The following NLGN4Y variants were observed in gnomAD, a reference collection of about 807,000 sequenced individuals.
NLGN4Y encodes the protein neuroligin 4 Y-linked.
A neutral mutation model predicts 8.4 loss-of-function variants in NLGN4Y; 4 were observed. The ratio of observed to expected loss-of-function variants is 0.48; its 90% CI spans 0.23 to 1.09. NLGN4Y has a LOEUF of 1.09. Ranked by LOEUF, NLGN4Y falls within the 50% of genes least tolerant of loss-of-function variation. The pLI is 0.19. For synonymous variants in NLGN4Y, 35 were observed against 75.6 expected, an observed-to-expected ratio of 0.46 and a Z score of 2.78; for missense variants, 90 against 192.3, an observed-to-expected ratio of 0.47 and a Z score of 3.15.
intron 4 of NLGN4Y, among the ~76,000 whole-genome samples, chrY:14,730,916 G>C (rs535309427): frequency 0.013 from 410 of 31,220 alleles, no homozygotes; most frequent in Admixed American, 0.11. Context: ...TATCAGTACA[G>C]GTCTCTTTTT....
At chrY:14,597,512 G>T in intron 1 of NLGN4Y, among the ~76,000 whole-genome samples, 1 of 32,880 alleles carries the variant, frequency 3.0e-5, no homozygotes, top group African/African-American at 1.2e-4. Context: ...CATCAGATTA[G>T]TTAGATACAG....
intron 2 of NLGN4Y, among the ~76,000 whole-genome samples, chrY:14,658,501 C>A: frequency 3.0e-5 from 1 of 33,102 alleles, no homozygotes; most frequent in African/African-American, 1.2e-4. Flanking sequence ...TAGCAGAATA[C>A]CTTAGACTGG....
At chrY:14,549,472 T>G in intron 1 of NLGN4Y, among the ~76,000 whole-genome samples, 12 of 33,410 alleles carry the variant, frequency 3.6e-4, no homozygotes. Flanking sequence ...TCATCATTTC[T>G]TTCCTCTGGA....
chrY:14,579,942 G>T (rs73621792), intron 1 of NLGN4Y, among the ~76,000 whole-genome samples: 4,385 of 30,389 alleles, frequency 0.14, no homozygotes, highest in African/African-American at 0.57. Flanking sequence ...AAGTGCTGTT[G>T]TGCAAATAAC....
chrY:14,792,123 T>G, intron 4 of NLGN4Y, among the ~76,000 whole-genome samples: 1 of 33,392 alleles, frequency 3.0e-5, no homozygotes, highest in South Asian at 6.8e-4. Flanking sequence ...TAGGTTTCCC[T>G]GTCTCTGAAA....
intron 1 of NLGN4Y, among the ~76,000 whole-genome samples, chrY:14,595,180 G>A (rs2150494064): frequency 3.0e-5 from 1 of 33,040 alleles, no homozygotes; most frequent in African/African-American, 1.2e-4. Context: ...AGAGGGAGAA[G>A]GGGACATATA....
intron 4 of NLGN4Y, among the ~76,000 whole-genome samples, chrY:14,800,170 A>G (rs764381781): frequency 1.2e-4 from 4 of 33,220 alleles, no homozygotes; most frequent in Non-Finnish European, 2.2e-4. Context: ...GACAGGTGAT[A>G]GTTGAACCAG....
chrY:14,763,187 A>G, intron 4 of NLGN4Y, among the ~76,000 whole-genome samples: 1 of 33,903 alleles, frequency 2.9e-5, no homozygotes, highest in Admixed American at 2.7e-4. Context: ...TGTTGAAAAC[A>G]TTATGACTAT....
At chrY:14,531,367 T>G (rs767641203) in intron 1 of NLGN4Y, among the ~76,000 whole-genome samples, 99 of 32,594 alleles carry the variant, frequency 3.0e-3, no homozygotes, top group African/African-American at 0.01. Flanking sequence ...TATAATAGTA[T>G]TTGTATACAA....
At chrY:14,798,208 C>T (rs889620316) in intron 4 of NLGN4Y, among the ~76,000 whole-genome samples, 3 of 33,215 alleles carry the variant, frequency 9.0e-5, no homozygotes, top group Non-Finnish European at 1.5e-4. Context: ...TTTTTTTCTC[C>T]GAAGGCTATT....
intron 2 of NLGN4Y, among the ~76,000 whole-genome samples, chrY:14,690,112 C>T (rs990483242): frequency 1.2e-4 from 4 of 33,401 alleles, no homozygotes; most frequent in African/African-American, 4.6e-4. Flanking sequence ...TCATTTATCA[C>T]TTTGTACAAG....
At chrY:14,562,115 G>A (rs926123688) in intron 1 of NLGN4Y, among the ~76,000 whole-genome samples, 3 of 33,355 alleles carry the variant, frequency 9.0e-5, no homozygotes, top group Non-Finnish European at 2.2e-4. Flanking sequence ...GCCATTGCTT[G>A]TGGGGTTTTG....
chrY:14,785,729 T>A (rs2042962102), intron 4 of NLGN4Y, among the ~76,000 whole-genome samples: 4 of 21,275 alleles, frequency 1.9e-4, no homozygotes, highest in South Asian at 1.1e-3. Flanking sequence ...GCACCGCTGC[T>A]CTCCAGCCTG....
At chrY:14,634,769 T>A in intron 2 of NLGN4Y, among the ~76,000 whole-genome samples, 1 of 34,043 alleles carries the variant, frequency 2.9e-5, no homozygotes, top group Non-Finnish European at 7.3e-5. Context: ...GTTACAGTTT[T>A]CTTGGCAAAT....
chrY:14,585,613 A>G (rs1603500443), intron 1 of NLGN4Y, among the ~76,000 whole-genome samples: 1 of 33,482 alleles, frequency 3.0e-5, no homozygotes, highest in Non-Finnish European at 7.4e-5. Flanking sequence ...TAAAATCTTC[A>G]TGTTATTTGC....
chrY:14,640,105 G>A (rs2080584984), intron 2 of NLGN4Y: 2 of 115,946 alleles, frequency 1.7e-5, no homozygotes, highest in African/African-American at 1.0e-4. Flanking sequence ...TGAATTGAAC[G>A]AACACCATCA....
intron 6 of NLGN4Y, among the ~76,000 whole-genome samples, chrY:14,838,157 T>A: frequency 2.9e-5 from 1 of 34,011 alleles, no homozygotes; most frequent in African/African-American, 1.1e-4. Flanking sequence ...AAACATGAGA[T>A]GATAAAATGA....
At chrY:14,546,320 A>G (rs2080172420) in intron 1 of NLGN4Y, among the ~76,000 whole-genome samples, 2 of 33,292 alleles carry the variant, frequency 6.0e-5, no homozygotes, top group African/African-American at 2.4e-4. Flanking sequence ...GAAGAAAGTC[A>G]TTGGTAGCTT....
intron 1 of NLGN4Y, among the ~76,000 whole-genome samples, chrY:14,562,431 C>A: frequency 6.0e-5 from 2 of 33,134 alleles, no homozygotes; most frequent in African/African-American, 2.4e-4. Context: ...GGTACCCATA[C>A]CATGCTGATT....
Sources: allele counts gnomAD v4.1 joint callset (sites outside exome capture counted in the v4.1 genomes callset), GRCh38; gene constraint gnomAD v4.1.1; transcripts MANE v1.5; gene names NCBI Gene and HGNC (gene_info 2026-07-23, HGNC 2026-07-21).